TTLL9: variants seen among roughly 807,000 people sequenced by gnomAD.
TTLL9 encodes the protein tubulin tyrosine ligase like 9, also known as probable tubulin polyglutamylase TTLL9.
In TTLL9, 47 loss-of-function variants were observed where a neutral mutation model predicts 65.6. That is an observed-to-expected ratio of 0.72 (90% CI 0.57 to 0.91). The LOEUF is 0.91. Ranked by LOEUF, TTLL9 falls within the 40% of genes least tolerant of loss-of-function variation. The probability of loss-of-function intolerance (pLI) is 0.00; values close to 1 mark genes in which losing one functional copy is unlikely to be tolerated. For synonymous variants in TTLL9, 179 were observed against 204.8 expected (o/e 0.87, Z 1.07); for missense variants, 537 against 568.8 (o/e 0.94, Z 0.57).
chr20:31,929,866 C>T (rs564254094), intron 10 of TTLL9, among the ~76,000 whole-genome samples: 3 of 152,234 alleles, frequency 2.0e-5, no homozygotes, highest in Admixed American at 6.5e-5. Context: ...TGGTGGCTCA[C>T]GCCTGTAATC....
chr20:31,872,632 A>T (rs2062954468), intron 2 of TTLL9, among the ~76,000 whole-genome samples: 1 of 152,208 alleles, frequency 6.6e-6, no homozygotes, highest in South Asian at 2.1e-4. Context: ...TGGAGGCTGC[A>T]GTGAGCCATG....
At chr20:31,915,286 C>G (rs868026590) in intron 6 of TTLL9, among the ~76,000 whole-genome samples, 26 of 152,120 alleles carry the variant, frequency 1.7e-4, no homozygotes, top group African/African-American at 6.3e-4. Context: ...TCGAGACCAT[C>G]CTGGCTGACA....
intron 6 of TTLL9, among the ~76,000 whole-genome samples, chr20:31,916,906 C>CA (rs1460715205): frequency 1.3e-5 from 2 of 152,116 alleles, no homozygotes; most frequent in African/African-American, 4.8e-5. Flanking sequence ...ATGTGGTTTC[C>CA]ACCAACTGCA....
At chr20:31,894,932 G>T (rs1268407483) in intron 3 of TTLL9, among the ~76,000 whole-genome samples, 1 of 152,020 alleles carries the variant, frequency 6.6e-6, no homozygotes, top group Non-Finnish European at 1.5e-5. Context: ...TGAGCTATGT[G>T]GGGCTGCAGT....
At chr20:31,874,631 A>G (rs578134065) in intron 2 of TTLL9, among the ~76,000 whole-genome samples, 75 of 152,210 alleles carry the variant, frequency 4.9e-4, no homozygotes, top group African/African-American at 1.7e-3. Flanking sequence ...GCTGGTCCTG[A>G]ACTCCTGACC....
At chr20:31,913,926 C>A (rs933341832) in intron 6 of TTLL9, among the ~76,000 whole-genome samples, 3 of 152,180 alleles carry the variant, frequency 2.0e-5, no homozygotes, top group Non-Finnish European at 4.4e-5. Flanking sequence ...CCTCGTGGTG[C>A]GGGGAGGCGA....
At chr20:31,889,494 C>T (rs1248643335) in intron 3 of TTLL9, among the ~76,000 whole-genome samples, 1 of 150,438 alleles carries the variant, frequency 6.6e-6, no homozygotes, top group Non-Finnish European at 1.5e-5. Flanking sequence ...GTGATCTCAG[C>T]TCACTACAAC....
intron 7 of TTLL9, among the ~76,000 whole-genome samples, chr20:31,920,954 G>T (rs1002631439): frequency 6.6e-6 from 1 of 152,254 alleles, no homozygotes; most frequent in African/African-American, 2.4e-5. Flanking sequence ...CTGTGCAGAT[G>T]CATGAGAGCA....
At position 31,904,577 on chromosome 20, in the gene TTLL9, C is replaced by T. The variant is rs1025600652; in HGVS notation, c.207-4014C>T. Among the ~76,000 whole-genome samples the T allele has an allele frequency of 4.6e-5, 7 of 151,874 alleles. No individual in the cohort carries two copies. The East Asian group carries it at 7.7e-4, about 17-fold the overall frequency. On this transcript the variant is annotated intron_variant, in intron 4 of 14. Coordinates refer to ENST00000535842, the MANE Select transcript of TTLL9 (RefSeq NM_001008409.5). ...TTAACCACGTTGACCAGGCTGATCTCGAACTCCTGGGCTCAAGTGATTCTC... is the reference window on the plus strand; with the variant it reads ...TTAACCACGTTGACCAGGCTGATCTTGAACTCCTGGGCTCAAGTGATTCTC...
At chr20:31,933,671 G>T in intron 10 of TTLL9, 129 bp from the exon 11 acceptor site, 2 of 825,860 alleles carry the variant, frequency 2.4e-6, no homozygotes, top group Non-Finnish European at 3.7e-6. Flanking sequence ...TGACTCCAAA[G>T]CTCACACACA....
rs770289629 is a variant in TTLL9, at chr20:31,939,218, G to C, written c.1195G>C (p.Ala399Pro). The C allele has an allele frequency of 6.2e-7, 1 of 1,613,350 alleles. No individual in the cohort carries two copies. The highest frequency in any genetic ancestry group is 2.2e-5 in the East Asian group (1 of 44,820). ...TGGCCCTGTTAGCAGAGAGGAGGGG[G>C]CTCCTGACCTGTCGGGAATGGGAAA... ...NDGPVSREEG[A>P]PDLSGMGNFV... The change falls in exon 14 of 15, where the codon GCT becomes CCT. Residue 399 changes from alanine to proline, a missense_variant. By Grantham distance (27) the Ala-to-Pro change is conservative. Coordinates refer to ENST00000535842, the MANE Select transcript of TTLL9 (RefSeq NM_001008409.5).
rs2064272723 is a variant in TTLL9 at position 31,944,087 on chromosome 20, C to G, written c.*1066C>G. 1 of 328,932 alleles carries G rather than the reference C, an allele frequency of 3.0e-6. No homozygotes were observed. The highest frequency in any genetic ancestry group is 2.2e-5 in the African/African-American group (1 of 46,452). 20.4% of individuals were successfully genotyped at this position (328,932 alleles called of 1,614,324 possible). On this transcript the variant is annotated 3_prime_UTR_variant, in exon 15 of 15. Transcript: ENST00000535842. ...CTGGCAAATCCAAGAAGTGAACCAG[C>G]CGACTTTAGGAAAGCCAGAAGCCAG...
At chr20:31,872,126 T>C (rs1350682605) in intron 2 of TTLL9, among the ~76,000 whole-genome samples, 1 of 152,056 alleles carries the variant, frequency 6.6e-6, no homozygotes, top group Non-Finnish European at 1.5e-5. Context: ...GCAAACAAGA[T>C]AGGCAAACAA....
chr20:31,922,070 A>G (rs1009291229), intron 7 of TTLL9, among the ~76,000 whole-genome samples: 18 of 152,090 alleles, frequency 1.2e-4, no homozygotes, highest in Non-Finnish European at 2.5e-4. Flanking sequence ...GGAGTTCGAG[A>G]CCAGCCTGGC....
In TTLL9 at chr20:31,934,815, A is replaced by G; in HGVS notation, c.931A>G (p.Lys311Glu). The change falls in exon 12 of 15, where the codon AAG (lysine) becomes GAG (glutamate). Residue 311 changes from lysine to glutamate, a missense_variant. Lys to Glu is a moderately conservative substitution (Grantham distance 56). Coordinates refer to ENST00000535842, the MANE Select transcript of TTLL9 (RefSeq NM_001008409.5). Reference protein sequence around the residue: ...IFVKSLQSVQKVIISDKHCFE... With the variant: ...IFVKSLQSVQEVIISDKHCFE... ...TGTCAAAAGCCTGCAGAGTGTGCAG[A>G]AGGTGATCATCAGTGACAAGCACTG... The G allele has an allele frequency of 6.2e-7, 1 of 1,614,016 alleles. No individual in the cohort carries two copies. The highest frequency in any genetic ancestry group is 8.5e-7 in the Non-Finnish European group (1 of 1,180,024).
At chr20:31,910,051 G>C in intron 6 of TTLL9, 129 bp downstream of exon 6, 1 of 866,518 alleles carries the variant, frequency 1.2e-6, no homozygotes, top group Admixed American at 2.4e-5. Flanking sequence ...GCCAGCTTTA[G>C]CTCCTCTTCT....
rs1264748503 is a variant in TTLL9, at chr20:31,889,974, CTT to C, written c.113+2737_113+2738del. ...GGGAAGAATCAAGCCACATCTCTCT[CTT>C]TCTTTCTTTCTTTCTTTCTTTCTTT... On this transcript the variant is annotated intron_variant, in intron 3 of 14. Coordinates refer to ENST00000535842, the MANE Select transcript of TTLL9 (RefSeq NM_001008409.5). Among the ~76,000 whole-genome samples, 334 of 34,622 alleles carry C rather than the reference CTT, an allele frequency of 9.6e-3. 2 individuals are homozygous for C. Among genetic ancestry groups the C allele is most frequent in the African/African-American group, 0.053 (306 of 5,796 alleles). The allele number at this position is 34,622 out of a possible 152,430, so 22.7% of individuals were successfully genotyped here. A position where few individuals can be genotyped will look rare whatever the true frequency, so the allele number is the denominator to read the frequency against.
At chr20:31,897,152 G>A (rs556805694) in intron 3 of TTLL9, among the ~76,000 whole-genome samples, 40 of 152,294 alleles carry the variant, frequency 2.6e-4, no homozygotes, top group African/African-American at 9.6e-4. Flanking sequence ...AAACCACTGA[G>A]CCTGGAGATT....
chr20:31,898,056 T>C (rs2063411276), intron 3 of TTLL9, among the ~76,000 whole-genome samples: 1 of 152,246 alleles, frequency 6.6e-6, no homozygotes, highest in Non-Finnish European at 1.5e-5. Flanking sequence ...GTCTGCCTTC[T>C]TCTCTTTCAG....
Sources: gnomAD v4.1 joint callset for allele counts (sites outside exome capture counted in the v4.1 genomes callset) on GRCh38, gnomAD v4.1.1 for gene constraint, MANE v1.5 for transcripts, NCBI Gene and HGNC (gene_info 2026-07-23, HGNC 2026-07-21) for gene names.